PRKCI: variants seen among roughly 807,000 people sequenced by gnomAD.
The protein encoded by PRKCI is protein kinase C iota, also known as protein kinase C iota type.
In PRKCI, 43 loss-of-function variants were observed where a neutral mutation model predicts 84.0. The observed-to-expected ratio is 0.51, with a 90% CI of 0.40 to 0.66. The LOEUF (loss-of-function observed/expected upper bound fraction) is 0.66. Among genes scored for constraint, PRKCI ranks in the 30% least tolerant of loss-of-function variants. PRKCI has a pLI of 0.00. For missense variants in PRKCI, 459 were observed against 745.6 expected, an observed-to-expected ratio of 0.62 and a Z score of 4.48; for synonymous variants, 216 against 234.4, an observed-to-expected ratio of 0.92 and a Z score of 0.72.
At chr3:170,229,744 T>G (rs1004480493) in intron 1 of PRKCI, among the ~76,000 whole-genome samples, 1 of 152,230 alleles carries the variant, frequency 6.6e-6, no homozygotes, top group Non-Finnish European at 1.5e-5. Flanking sequence ...TCTTGAAATA[T>G]GATATTGTTT....
chr3:170,280,259 A>G lies in PRKCI; in HGVS notation c.738A>G (p.Ser246=). Residue 246 remains serine, a synonymous_variant, in exon 9 of 18, where the codon TCA becomes TCG. Coordinates refer to ENST00000295797, the MANE Select transcript of PRKCI (RefSeq NM_002740.6). ...ACACCAGGGAAAGTGGCAAAGCTTC[A>G]TCCAGTCTAGGTCTTCAGGATTTTG... is the stretch of plus-strand genomic sequence containing the variant. The part of the protein sequence containing the change: ...AMNTRESGKA[S]SSLGLQDFDL... 1.2e-6 allele frequency: 2 copies of G among 1,612,490 alleles called. No homozygotes were observed. The highest frequency in any genetic ancestry group is 1.7e-6 in the Non-Finnish European group (2 of 1,179,920).
At position 170,259,905 on chromosome 3, in the gene PRKCI, T is replaced by G. The variant is rs1253004415; in HGVS notation, c.224-64T>G. On this transcript the variant is annotated intron_variant, in intron 2 of 17. Transcript: ENST00000295797. ...TTCTAAAAATTTACATTATGAAATT[T>G]GTTTAGTAATCATCACATTTAGGGG... is the stretch of plus-strand genomic sequence containing the variant. 3.6e-6 allele frequency: 3 copies of G among 832,324 alleles called. No homozygotes were observed. In the African/African-American group the frequency reaches 5.3e-5, roughly 15 times the overall value. 51.6% of individuals were successfully genotyped at this position (832,324 alleles called of 1,614,324 possible).
In PRKCI at chr3:170,274,497, G is replaced by A. The variant is rs188858102; in HGVS notation, c.647-732G>A. 2.8e-3 allele frequency among the ~76,000 whole-genome samples: 433 copies of A among 152,300 alleles called. 2 individuals carry two copies. Among genetic ancestry groups the A allele is most frequent in the Admixed American group, 0.018 (271 of 15,292 alleles). The stretch of plus-strand genomic sequence containing the variant: ...GTAGAAATTATGTGAAACATAGAGA[G>A]ATGCAATATAGGAAATTCCAGGAAG... On this transcript the variant is annotated intron_variant, in intron 7 of 17. Coordinates refer to ENST00000295797, the MANE Select transcript of PRKCI (RefSeq NM_002740.6).
intron 11 of PRKCI, 88 bp from the exon 12 acceptor site, chr3:170,284,373 G>C: frequency 1.7e-6 from 2 of 1,165,434 alleles, no homozygotes; most frequent in Admixed American, 5.4e-5. Context: ...AAAAAAATAT[G>C]TTTTAATATG....
At chr3:170,248,575 T>C (rs1733353876) in intron 2 of PRKCI, among the ~76,000 whole-genome samples, 1 of 152,190 alleles carries the variant, frequency 6.6e-6, no homozygotes, top group African/African-American at 2.4e-5. Flanking sequence ...CGCTTATGCA[T>C]TGAGTTTTAT....
chr3:170,243,314 G>A (rs1380304102), intron 2 of PRKCI, among the ~76,000 whole-genome samples: 1 of 152,132 alleles, frequency 6.6e-6, no homozygotes, highest in African/African-American at 2.4e-5. Context: ...TCATCATATA[G>A]CATGTACTTT....
At chr3:170,256,343 T>G (rs1461307741) in intron 2 of PRKCI, among the ~76,000 whole-genome samples, 1 of 152,224 alleles carries the variant, frequency 6.6e-6, no homozygotes, top group Non-Finnish European at 1.5e-5. Flanking sequence ...GGCTTCGATC[T>G]CATTACTTGT....
At chr3:170,271,732 G>T (rs941141028) in intron 6 of PRKCI, among the ~76,000 whole-genome samples, 4 of 152,146 alleles carry the variant, frequency 2.6e-5, no homozygotes, top group African/African-American at 9.7e-5. Context: ...GTCGAGGTTT[G>T]ATTAGATTCT....
intron 1 of PRKCI, among the ~76,000 whole-genome samples, chr3:170,230,518 C>T (rs1227644543): frequency 1.3e-5 from 2 of 152,170 alleles, no homozygotes; most frequent in African/African-American, 2.4e-5. Context: ...TTAGTAGAGA[C>T]AGGGTTTTGC....
chr3:170,244,858 A>G (rs1733234292), intron 2 of PRKCI: 1 of 152,278 alleles, frequency 6.6e-6, no homozygotes, highest in Admixed American at 6.6e-5. Context: ...TTCCACTCCC[A>G]CTGCTTCACT....
chr3:170,282,302 T>C (rs188578181), intron 11 of PRKCI, among the ~76,000 whole-genome samples: 28 of 152,300 alleles, frequency 1.8e-4, no homozygotes, highest in African/African-American at 6.3e-4. Flanking sequence ...ATTTAAATAA[T>C]TGAGACTAAT....
At chr3:170,298,049 T>C (rs923698344) in intron 16 of PRKCI, among the ~76,000 whole-genome samples, 17 of 151,178 alleles carry the variant, frequency 1.1e-4, no homozygotes, top group South Asian at 4.2e-4. Context: ...ATTTTTGTAT[T>C]TTTAGTAGAG....
chr3:170,284,562 G>A lies in PRKCI; in HGVS notation c.1169G>A (p.Gly390Asp). The A allele has an allele frequency of 1.2e-6, 2 of 1,613,084 alleles. No individual in the cohort carries two copies. The highest frequency in any genetic ancestry group is 1.7e-6 in the Non-Finnish European group (2 of 1,179,682). Residue 390 changes from glycine (G) to aspartate (D), a missense_variant, in exon 12 of 18, where the codon GGC becomes GAC. This residue lies in a region of PRKCI where 209 missense variants were observed against 425.9 expected (regional missense o/e 0.49). Transcript: ENST00000295797. ...KLDNVLLDSE[G>D]HIKLTDYGMC... ...GACAATGTATTACTGGACTCTGAAGGCCACATTAAACTCACTGACTACGGC... is the reference window on the plus strand; with the variant it reads ...GACAATGTATTACTGGACTCTGAAGACCACATTAAACTCACTGACTACGGC...
At chr3:170,281,853 G>T in intron 10 of PRKCI, 29 bp from the exon 11 acceptor site, 1 of 1,562,412 alleles carries the variant, frequency 6.4e-7, no homozygotes, top group South Asian at 1.2e-5. Flanking sequence ...TTTGGATCTT[G>T]ATTTCATGGG....
intron 1 of PRKCI, among the ~76,000 whole-genome samples, chr3:170,229,348 C>G (rs974812482): frequency 6.6e-6 from 1 of 152,188 alleles, no homozygotes; most frequent in Admixed American, 6.5e-5. Flanking sequence ...GAGTCTGATT[C>G]TGTTGCCTAC....
intron 11 of PRKCI, 146 bp downstream of exon 11, chr3:170,282,114 T>C: frequency 2.7e-6 from 2 of 742,872 alleles, no homozygotes; most frequent in South Asian, 4.8e-5. Context: ...TAAAAGTTAA[T>C]TTACATTATA....
intron 5 of PRKCI, among the ~76,000 whole-genome samples, chr3:170,269,969 A>AG (rs1447017358): frequency 6.6e-6 from 1 of 151,930 alleles, no homozygotes; most frequent in African/African-American, 2.4e-5. Flanking sequence ...AAAAAAAAAA[A>AG]AGAAAGAAAA....
intron 7 of PRKCI, among the ~76,000 whole-genome samples, chr3:170,274,571 C>G (rs924190308): frequency 1.9e-4 from 29 of 152,138 alleles, no homozygotes; most frequent in Non-Finnish European, 7.3e-5. Context: ...AAACACGTAT[C>G]TGGGAAATTT....
chr3:170,229,222 A>T (rs939946284), intron 1 of PRKCI, among the ~76,000 whole-genome samples: 1 of 152,200 alleles, frequency 6.6e-6, no homozygotes, highest in Non-Finnish European at 1.5e-5. Context: ...ATTTCCACAC[A>T]TGCATCTGCA....
Sources: allele counts gnomAD v4.1 joint callset (sites outside exome capture counted in the v4.1 genomes callset), GRCh38; gene constraint gnomAD v4.1.1; regional missense constraint gnomAD v4.1.1; transcripts MANE v1.5; gene names NCBI Gene and HGNC (gene_info 2026-07-23, HGNC 2026-07-21).